SIPA1L1: variants seen among roughly 807,000 people sequenced by gnomAD.
The protein encoded by SIPA1L1 is signal-induced proliferation-associated 1-like protein 1.
In SIPA1L1, 26 loss-of-function variants were observed where a neutral mutation model predicts 162.7. The ratio of observed to expected loss-of-function variants is 0.16; its 90% confidence interval spans 0.12 to 0.22. The LOEUF (loss-of-function observed/expected upper bound fraction) is 0.22. Among genes scored for constraint, SIPA1L1 ranks in the 10% least tolerant of loss-of-function variants. SIPA1L1 has a pLI of 1.00. For missense variants in SIPA1L1, 1,874 were observed against 2,241.0 expected (o/e 0.84, Z 3.31); for synonymous variants, 829 against 837.4 (o/e 0.99, Z 0.17).
At chr14:71,556,314 G>T (rs1272786892) in intron 4 of SIPA1L1, among the ~76,000 whole-genome samples, 1 of 152,136 alleles carries the variant, frequency 6.6e-6, no homozygotes, top group Non-Finnish European at 1.5e-5. Context: ...ACACTTCTGT[G>T]ACAAAAGCTG....
chr14:71,733,375 G>C (rs2084981983), intron 20 of SIPA1L1, among the ~76,000 whole-genome samples: 1 of 152,142 alleles, frequency 6.6e-6, no homozygotes, highest in Admixed American at 6.5e-5. Context: ...CCCTGCTGTG[G>C]ACAGACAGCT....
intron 5 of SIPA1L1, among the ~76,000 whole-genome samples, chr14:71,592,128 T>C (rs914471986): frequency 2.6e-5 from 4 of 152,188 alleles, no homozygotes; most frequent in African/African-American, 9.7e-5. Flanking sequence ...TCAGCATGGT[T>C]TGCAGGGAAA....
intron 4 of SIPA1L1, among the ~76,000 whole-genome samples, chr14:71,584,808 G>T (rs1345680035): frequency 1.3e-5 from 2 of 152,180 alleles, no homozygotes; most frequent in Non-Finnish European, 2.9e-5. Context: ...TATATAGCCT[G>T]CTCTTTCAAC....
intron 2 of SIPA1L1, among the ~76,000 whole-genome samples, chr14:71,504,548 T>C (rs1440123426): frequency 6.6e-6 from 1 of 152,186 alleles, no homozygotes; most frequent in African/African-American, 2.4e-5. Context: ...AAAAGATACC[T>C]TCTATTGTAA....
intron 16 of SIPA1L1, among the ~76,000 whole-genome samples, chr14:71,707,879 A>G (rs183579304): frequency 1.2e-4 from 18 of 152,196 alleles, no homozygotes; most frequent in Non-Finnish European, 2.2e-4. Flanking sequence ...TATACCCAAC[A>G]TTGCCAACAT....
intron 2 of SIPA1L1, among the ~76,000 whole-genome samples, chr14:71,398,705 GGCCAAA>G (rs1283368404): frequency 1.3e-5 from 2 of 152,136 alleles, no homozygotes; most frequent in East Asian, 3.8e-4. Flanking sequence ...TGAAGGGTGA[GGCCAAA>G]GCTAGATGAC....
intron 17 of SIPA1L1, among the ~76,000 whole-genome samples, chr14:71,723,297 G>C (rs1024250098): frequency 6.6e-6 from 1 of 152,170 alleles, no homozygotes; most frequent in Non-Finnish European, 1.5e-5. Context: ...GCATGGAGAC[G>C]GTAGACCTTT....
intron 2 of SIPA1L1, among the ~76,000 whole-genome samples, chr14:71,451,736 C>A (rs1312403791): frequency 6.6e-6 from 1 of 150,702 alleles, no homozygotes; most frequent in Non-Finnish European, 1.5e-5. Context: ...TTTAAATGTT[C>A]TCACCACAAA....
At chr14:71,378,774 GTTGC>G (rs2039637231) in intron 2 of SIPA1L1, among the ~76,000 whole-genome samples, 2 of 151,218 alleles carry the variant, frequency 1.3e-5, no homozygotes, top group South Asian at 4.2e-4. Context: ...TATGTCTGTT[GTTGC>G]TTCATTTATT....
chr14:71,681,744 G>T (rs1451236804), intron 12 of SIPA1L1, among the ~76,000 whole-genome samples: 1 of 152,186 alleles, frequency 6.6e-6, no homozygotes, highest in Non-Finnish European at 1.5e-5. Context: ...GTCCAGTGTT[G>T]TGATGTTCTG....
intron 7 of SIPA1L1, among the ~76,000 whole-genome samples, chr14:71,628,716 T>C (rs1190006079): frequency 6.6e-6 from 1 of 152,048 alleles, no homozygotes; most frequent in Non-Finnish European, 1.5e-5. Flanking sequence ...AGCATGGAGG[T>C]ACAAGCCAGT....
At chr14:71,438,702 G>T (rs1284705358) in intron 2 of SIPA1L1, among the ~76,000 whole-genome samples, 4 of 131,852 alleles carry the variant, frequency 3.0e-5, no homozygotes, top group Non-Finnish European at 6.3e-5. Context: ...TCCACATCAG[G>T]TTGAAGGGGA....
At chr14:71,701,852 A>G (rs1029215224) in intron 14 of SIPA1L1, among the ~76,000 whole-genome samples, 29 of 152,222 alleles carry the variant, frequency 1.9e-4, no homozygotes, top group Admixed American at 3.9e-4. Context: ...TGGTTTCTAC[A>G]TGATCTAAAT....
intron 20 of SIPA1L1, among the ~76,000 whole-genome samples, chr14:71,730,929 G>C (rs1351913254): frequency 6.6e-6 from 1 of 152,094 alleles, no homozygotes; most frequent in Non-Finnish European, 1.5e-5. Flanking sequence ...ATTTAAATTT[G>C]GTTTTTCCCT....
intron 17 of SIPA1L1, among the ~76,000 whole-genome samples, chr14:71,719,833 C>T (rs547473677): frequency 2.6e-5 from 4 of 152,198 alleles, no homozygotes; most frequent in South Asian, 4.2e-4. Flanking sequence ...TCAAATTTAC[C>T]GAAAAGTTGC....
chr14:71,346,012 A>G (rs1240439998), intron 2 of SIPA1L1, among the ~76,000 whole-genome samples: 2 of 151,142 alleles, frequency 1.3e-5, no homozygotes, highest in Non-Finnish European at 2.9e-5. Context: ...GATTCAAGCA[A>G]TTCTCCTGTC....
rs979945829 is a variant in SIPA1L1, at chr14:71,739,448, T to C, written c.*287T>C. On this transcript the variant is annotated 3_prime_UTR_variant, in exon 24 of 24. Transcript: ENST00000381232. ...TTTTGCACAATATCTTTATCTGTTA[T>C]GTATTTAAGAAGAAACTGGGCCTTG... 5 of 193,448 alleles carry C rather than the reference T, an allele frequency of 2.6e-5. No individual in the cohort carries two copies. The highest frequency in any genetic ancestry group is 5.9e-5 in the Admixed American group (1 of 16,940). 12.0% of individuals were successfully genotyped at this position (193,448 alleles called of 1,614,324 possible).
intron 17 of SIPA1L1, among the ~76,000 whole-genome samples, chr14:71,719,114 A>T (rs2083488750): frequency 6.6e-6 from 1 of 151,270 alleles, no homozygotes; most frequent in East Asian, 2.0e-4. Context: ...AATTTTTTTT[A>T]TTTTTTATGG....
chr14:71,477,851 C>G (rs938938645), intron 2 of SIPA1L1, among the ~76,000 whole-genome samples: 7 of 151,452 alleles, frequency 4.6e-5, no homozygotes, highest in Admixed American at 4.6e-4. Context: ...CATAGGCTTT[C>G]CTTTCCCTTG....
Sources: gnomAD v4.1 joint callset for allele counts (sites outside exome capture counted in the v4.1 genomes callset) on GRCh38, gnomAD v4.1.1 for gene constraint, MANE v1.5 for transcripts, NCBI Gene and HGNC (gene_info 2026-07-23, HGNC 2026-07-21) for gene names.